PHF24: variants seen among roughly 807,000 people sequenced by gnomAD.
The protein encoded by PHF24 is Galpha inhibitory interacting protein.
A neutral mutation model predicts 42.6 loss-of-function variants in PHF24; 25 were observed. The ratio of observed to expected loss-of-function variants is 0.59; its 90% CI spans 0.43 to 0.82. The LOEUF (loss-of-function observed/expected upper bound fraction) is 0.82, where lower values mean the gene tolerates loss of function less well. PHF24 is among the 40% of genes least tolerant of loss of function. The probability of loss-of-function intolerance (pLI) is 0.00; values close to 1 mark genes in which losing one functional copy is unlikely to be tolerated. For synonymous variants in PHF24, 185 were observed against 204.8 expected (o/e 0.90, Z 0.83); for missense variants, 470 against 538.1 (o/e 0.87, Z 1.25).
At chr9:34,805,078 A>C in the PHF24 span, among the ~76,000 whole-genome samples, 1 of 152,156 alleles carries the variant, frequency 6.6e-6, no homozygotes. Flanking sequence ...CATTGTATGG[A>C]TATACCATAT....
chr9:34,947,020 C>A, the PHF24 span, among the ~76,000 whole-genome samples: 3 of 152,158 alleles, frequency 2.0e-5, no homozygotes, highest in Admixed American at 6.5e-5. Context: ...CAACAGCAAC[C>A]CTCGCCTTTA....
At chr9:34,782,547 T>G in the PHF24 span, among the ~76,000 whole-genome samples, 5 of 152,266 alleles carry the variant, frequency 3.3e-5, no homozygotes, top group East Asian at 7.7e-4. Flanking sequence ...TCCAGTCCAG[T>G]GACTCATCCT....
chr9:34,710,122 A>C, the PHF24 span: 2 of 1,490,358 alleles, frequency 1.3e-6, no homozygotes, highest in South Asian at 2.3e-5. Flanking sequence ...GGGCAGCTGC[A>C]AGTTGGGGGT....
chr9:34,968,948 G>C (rs549629883), intron 1 of PHF24, among the ~76,000 whole-genome samples: 1 of 152,358 alleles, frequency 6.6e-6, no homozygotes, highest in East Asian at 1.9e-4. Context: ...CTCCGACCTG[G>C]ACTGGAGTCA....
chr9:34,921,805 C>G, the PHF24 span, among the ~76,000 whole-genome samples: 2 of 152,206 alleles, frequency 1.3e-5, no homozygotes, highest in East Asian at 3.8e-4. Flanking sequence ...GTGACTGGAA[C>G]CAATGATCCC....
chr9:34,769,562 C>T, the PHF24 span, among the ~76,000 whole-genome samples: 2 of 152,148 alleles, frequency 1.3e-5, no homozygotes, highest in Non-Finnish European at 2.9e-5. Flanking sequence ...CCCAATTAGA[C>T]AAGCTGATTC....
chr9:34,945,529 G>A, the PHF24 span, among the ~76,000 whole-genome samples: 1 of 152,122 alleles, frequency 6.6e-6, no homozygotes. Flanking sequence ...AACCCATGTC[G>A]AATTTAATTG....
At chr9:34,886,771 T>TCTGA in the PHF24 span, among the ~76,000 whole-genome samples, 1 of 151,260 alleles carries the variant, frequency 6.6e-6, no homozygotes, top group African/African-American at 2.5e-5. Context: ...TGTCTGTCTG[T>TCTGA]CTGTCTGTCT....
At chr9:34,737,804 A>G in the PHF24 span, among the ~76,000 whole-genome samples, 2 of 152,216 alleles carry the variant, frequency 1.3e-5, no homozygotes, top group Non-Finnish European at 2.9e-5. Flanking sequence ...TTATAGTCCG[A>G]CATGCTTTTA....
the PHF24 span, among the ~76,000 whole-genome samples, chr9:34,776,820 T>C: frequency 2.0e-5 from 3 of 152,150 alleles, no homozygotes; most frequent in East Asian, 5.8e-4. Context: ...GACAACACAA[T>C]TGGGACAACA....
intron 1 of PHF24, among the ~76,000 whole-genome samples, chr9:34,959,162 C>G (rs186859680): frequency 2.6e-5 from 4 of 152,342 alleles, no homozygotes; most frequent in East Asian, 1.9e-4. Context: ...AGTGAGGCCT[C>G]TAAAGCAAAG....
At chr9:34,751,530 C>T in the PHF24 span, among the ~76,000 whole-genome samples, 1 of 152,170 alleles carries the variant, frequency 6.6e-6, no homozygotes, top group Non-Finnish European at 1.5e-5. Context: ...TCACCCAATA[C>T]TGGGGCACCC....
the PHF24 span, among the ~76,000 whole-genome samples, chr9:34,781,142 G>A: frequency 2.6e-5 from 4 of 152,084 alleles, no homozygotes; most frequent in Non-Finnish European, 4.4e-5. Flanking sequence ...CAAACTAACC[G>A]AAAACAGGAA....
chr9:34,683,930 C>A, the PHF24 span, among the ~76,000 whole-genome samples: 2 of 152,298 alleles, frequency 1.3e-5, no homozygotes, highest in Middle Eastern at 6.8e-3. Flanking sequence ...TTGGCATCGC[C>A]TTTTGGTGGT....
chr9:34,854,196 A>AT, the PHF24 span, among the ~76,000 whole-genome samples: 1,039 of 106,656 alleles, frequency 9.7e-3, 25 homozygotes, highest in African/African-American at 0.032. Context: ...CAGTCTATCT[A>AT]TTTTTTTTTT....
chr9:34,869,695 T>C, the PHF24 span, among the ~76,000 whole-genome samples: 2 of 152,204 alleles, frequency 1.3e-5, no homozygotes, highest in Non-Finnish European at 2.9e-5. Context: ...ACCTTACAGA[T>C]ACATCTAGAG....
the PHF24 span, among the ~76,000 whole-genome samples, chr9:34,682,704 T>C: frequency 6.6e-6 from 1 of 152,226 alleles, no homozygotes; most frequent in African/African-American, 2.4e-5. Context: ...AGTCACATAC[T>C]AATTTTCCCA....
chr9:34,939,002 C>T, the PHF24 span, among the ~76,000 whole-genome samples: 35 of 148,862 alleles, frequency 2.4e-4, no homozygotes, highest in African/African-American at 8.7e-4. Context: ...TAAAATTGGC[C>T]AGGTGCAGTG....
the PHF24 span, among the ~76,000 whole-genome samples, chr9:34,790,998 T>A: frequency 3.9e-5 from 6 of 152,224 alleles, no homozygotes; most frequent in African/African-American, 1.2e-4. Flanking sequence ...ATGTAGGGGC[T>A]TGTAGGCCAA....
Sources: gnomAD v4.1 joint callset for allele counts (sites outside exome capture counted in the v4.1 genomes callset) on GRCh38, gnomAD v4.1.1 for gene constraint, MANE v1.5 for transcripts, NCBI Gene and HGNC (gene_info 2026-07-23, HGNC 2026-07-21) for gene names.